Variants in ADGRB3 observed in about 807,000 individuals in gnomAD.
ADGRB3 encodes the protein adhesion G protein-coupled receptor B3.
In ADGRB3, 37 loss-of-function variants were observed where a neutral mutation model predicts 193.4. The ratio of observed to expected loss-of-function variants is 0.19; its 90% CI spans 0.15 to 0.25. The LOEUF (loss-of-function observed/expected upper bound fraction) is 0.25. Ranked by LOEUF, ADGRB3 falls within the 10% of genes least tolerant of loss-of-function variation. ADGRB3 has a pLI of 1.00. For synonymous variants in ADGRB3, 690 were observed against 644.2 expected (o/e 1.07, Z -1.08); for missense variants, 1,637 against 1,852.9 (o/e 0.88, Z 2.14).
intron 20 of ADGRB3, among the ~76,000 whole-genome samples, chr6:69,259,895 A>G (rs1472880427): frequency 6.6e-6 from 1 of 152,164 alleles, no homozygotes; most frequent in East Asian, 1.9e-4. Flanking sequence ...CTTTCCTTGT[A>G]GGTTATAATA....
At chr6:68,905,395 A>G (rs1333253215) in intron 3 of ADGRB3, among the ~76,000 whole-genome samples, 7 of 152,204 alleles carry the variant, frequency 4.6e-5, no homozygotes, top group Non-Finnish European at 8.8e-5. Context: ...TCTATTTCTT[A>G]CTATATGAGA....
At chr6:68,884,895 C>G (rs1395374809) in intron 3 of ADGRB3, among the ~76,000 whole-genome samples, 2 of 152,072 alleles carry the variant, frequency 1.3e-5, no homozygotes, top group Admixed American at 1.3e-4. Context: ...GCTTCCTATA[C>G]CTCCTAGAAG....
At position 69,018,516 on chromosome 6, in the gene ADGRB3, TC is replaced by T. The variant is rs968424061; in HGVS notation, c.2107+22del. ...GAAATGTAGGTAAGAAATAGGATTT[TC>T]CCCCAAAATCTTTCTGAAATAAAAA... On this transcript the variant is annotated intron_variant, in intron 13 of 31. Transcript: ENST00000370598. 8.4e-6 allele frequency: 13 copies of T among 1,540,402 alleles called. No homozygotes were observed. The African/African-American group carries it at 1.5e-4, about 18-fold the overall frequency.
At chr6:68,958,314 C>A (rs1257499647) in intron 8 of ADGRB3, among the ~76,000 whole-genome samples, 6 of 152,122 alleles carry the variant, frequency 3.9e-5, no homozygotes, top group Admixed American at 1.3e-4. Context: ...ATTCAGATTA[C>A]CACTGTGAAA....
intron 3 of ADGRB3, among the ~76,000 whole-genome samples, chr6:68,776,671 G>A (rs142979743): frequency 2.4e-3 from 364 of 152,154 alleles, no homozygotes; most frequent in Middle Eastern, 6.8e-3. Context: ...AGTCTAAACG[G>A]AGCTAGCATG....
chr6:68,994,272 C>T (rs1306535328), intron 11 of ADGRB3, among the ~76,000 whole-genome samples: 3 of 152,126 alleles, frequency 2.0e-5, no homozygotes, highest in African/African-American at 7.2e-5. Flanking sequence ...TTTATTCCCA[C>T]ATTTAATATA....
rs193256563 is a variant in ADGRB3 at position 69,300,189 on chromosome 6, C to A, written c.2815-24683C>A. Among the ~76,000 whole-genome samples the A allele has an allele frequency of 5.9e-5, 9 of 151,910 alleles. No homozygotes were observed. In the East Asian group the frequency reaches 1.6e-3, roughly 26 times the overall value. ...CATACACAAATTAATAAATGTCATACATCACACAACAGGATGAATAACAAA... is the reference window on the plus strand; with the variant it reads ...CATACACAAATTAATAAATGTCATAAATCACACAACAGGATGAATAACAAA... On this transcript the variant is annotated intron_variant, in intron 20 of 31. Coordinates refer to ENST00000370598, the MANE Select transcript of ADGRB3 (RefSeq NM_001704.3).
At chr6:69,037,140 A>C (rs575797342) in intron 13 of ADGRB3, among the ~76,000 whole-genome samples, 4 of 152,148 alleles carry the variant, frequency 2.6e-5, no homozygotes, top group Non-Finnish European at 5.9e-5. Flanking sequence ...GAAAATATCA[A>C]TAGTAAAGAA....
Position 68,865,037 on chromosome 6 carries a change from T to C in ADGRB3, c.758-65522T>C, listed in dbSNP as rs181735981. 3.9e-3 allele frequency among the ~76,000 whole-genome samples: 600 copies of C among 152,300 alleles called. 13 individuals carry two copies. The highest frequency in any genetic ancestry group is 0.02 in the Admixed American group (308 of 15,296). On this transcript the variant is annotated intron_variant, in intron 3 of 31. Coordinates refer to ENST00000370598, the MANE Select transcript of ADGRB3 (RefSeq NM_001704.3). ...TGATGAAATTGCCTGCTTTCTATAC[T>C]GAAGGCTAACTCTTGGTCTGCAAAT... is the stretch of plus-strand genomic sequence containing the variant.
chr6:69,339,135 A>T (rs1768918579), intron 25 of ADGRB3, 121 bp downstream of exon 25: 2 of 1,173,000 alleles, frequency 1.7e-6, no homozygotes, highest in African/African-American at 3.1e-5. Flanking sequence ...TTAAATATTT[A>T]TAATTGGCAA....
rs533091984 is a variant in ADGRB3, at chr6:68,725,750, T to A, written c.757+86318T>A. ...GAGCATTATTAGCAACTGCAAGTGG[T>A]GGTTGTGATTCTGAGGGTGGATGAG... On this transcript the variant is annotated intron_variant, in intron 3 of 31. Transcript: ENST00000370598. 9.2e-5 allele frequency among the ~76,000 whole-genome samples: 14 copies of A among 151,622 alleles called. No homozygotes were observed. The East Asian group carries it at 2.5e-3, about 28-fold the overall frequency.
intron 3 of ADGRB3, among the ~76,000 whole-genome samples, chr6:68,649,852 G>T (rs1768307782): frequency 6.6e-6 from 1 of 152,142 alleles, no homozygotes; most frequent in Non-Finnish European, 1.5e-5. Context: ...TCTGTTGAAG[G>T]TTACAGCTTC....
intron 3 of ADGRB3, among the ~76,000 whole-genome samples, chr6:68,749,299 G>T (rs1231284635): frequency 6.6e-6 from 1 of 152,002 alleles, no homozygotes; most frequent in African/African-American, 2.4e-5. Flanking sequence ...AAACTTTTAT[G>T]CTCTGCTTCC....
intron 17 of ADGRB3, among the ~76,000 whole-genome samples, chr6:69,171,723 T>C (rs1775275292): frequency 6.6e-6 from 1 of 152,270 alleles, no homozygotes; most frequent in African/African-American, 2.4e-5. Flanking sequence ...GCAGTCATCT[T>C]GCAACTACTT....
At position 69,085,448 on chromosome 6, in the gene ADGRB3, G is replaced by GGATAGAAAAT. The variant is rs1772520300; in HGVS notation, c.2480+9410_2480+9411insGATAGAAAAT. Among the ~76,000 whole-genome samples the GGATAGAAAAT allele has an allele frequency of 2.0e-5, 3 of 151,940 alleles. No individual in the cohort carries two copies. In the East Asian group the frequency reaches 5.8e-4, roughly 29 times the overall value. On this transcript the variant is annotated intron_variant, in intron 17 of 31. Transcript: ENST00000370598. ...CTGGCTGGTAAGGATAGGCCCCTGG[G>GGATAGAAAAT]TAACCTCTCTTAATTTTCTAATGTC...
chr6:69,078,654 G>T lies in ADGRB3; in HGVS notation c.2480+2616G>T, dbSNP rs187785809. 1.2e-3 allele frequency among the ~76,000 whole-genome samples: 178 copies of T among 152,062 alleles called. 1 individual carries two copies. The highest frequency in any genetic ancestry group is 4.1e-3 in the African/African-American group (169 of 41,540). On this transcript the variant is annotated intron_variant, in intron 17 of 31. Transcript: ENST00000370598. ...TAATTAATTTTAGTCTCTAAACTGT[G>T]CTTCTGTGTATCTCCTTGTACATCT... is the stretch of plus-strand genomic sequence containing the variant.
Position 69,147,643 on chromosome 6 carries a change from A to G in ADGRB3, c.2480+71605A>G, listed in dbSNP as rs146031078. ...AGCTGTTGGTTGAAGTGTTCTGTTA[A>G]TATCTATTAAGTCCATTTGGGCTAT... is the stretch of plus-strand genomic sequence containing the variant. On this transcript the variant is annotated intron_variant, in intron 17 of 31. Coordinates refer to ENST00000370598, the MANE Select transcript of ADGRB3 (RefSeq NM_001704.3). Among the ~76,000 whole-genome samples the G allele has an allele frequency of 1.6e-3, 239 of 152,282 alleles. 3 individuals carry two copies. In the East Asian group the frequency reaches 0.041, roughly 26 times the overall value.
rs1016583742 is a variant in ADGRB3, at chr6:68,638,517, T to C, written c.-15-144T>C. On this transcript the variant is annotated intron_variant, in intron 2 of 31. Coordinates refer to ENST00000370598, the MANE Select transcript of ADGRB3 (RefSeq NM_001704.3). ...AGCAACAGATAATTTTCCTGTGTTA[T>C]AAAATAAAAATTACCTGCCCTTCTT... The C allele has an allele frequency of 2.0e-5, 16 of 816,700 alleles. No homozygotes were observed. In the Admixed American group the frequency reaches 4.7e-4, roughly 24 times the overall value. The allele number at this position is 816,700 out of a possible 1,614,324, so 50.6% of individuals were successfully genotyped here.
chr6:69,045,199 T>C (rs1319075704), intron 13 of ADGRB3, among the ~76,000 whole-genome samples: 3 of 152,180 alleles, frequency 2.0e-5, no homozygotes, highest in Non-Finnish European at 2.9e-5. Context: ...ATTGTTCTAG[T>C]GTCTTGTACA....
Sources: gnomAD v4.1 joint callset for allele counts (sites outside exome capture counted in the v4.1 genomes callset) on GRCh38, gnomAD v4.1.1 for gene constraint, MANE v1.5 for transcripts, NCBI Gene and HGNC (gene_info 2026-07-23, HGNC 2026-07-21) for gene names.